The following DCAF1 variants were observed in gnomAD, a reference collection of about 807,000 sequenced individuals.
DCAF1 encodes DDB1- and CUL4-associated factor 1.
In DCAF1, 15 loss-of-function variants were observed where a neutral mutation model predicts 128.0. The observed-to-expected ratio is 0.12, with a 90% CI of 0.08 to 0.18. The LOEUF is 0.18. DCAF1 is among the 10% of genes least tolerant of loss of function. The pLI is 1.00. For synonymous variants in DCAF1, 610 were observed against 603.0 expected (o/e 1.01, Z -0.17); for missense variants, 988 against 1,649.5 (o/e 0.60, Z 6.95).
At chr3:51,490,267 A>C (rs1438646981) in intron 2 of DCAF1, among the ~76,000 whole-genome samples, 1 of 152,052 alleles carries the variant, frequency 6.6e-6, no homozygotes, top group East Asian at 1.9e-4. Flanking sequence ...AAGGCAAAAA[A>C]TTAGCCAGGC....
In DCAF1 at chr3:51,405,762, C is replaced by G. The variant is rs782640895; in HGVS notation, c.4213-2367G>C. On this transcript the variant is annotated intron_variant, in intron 23 of 24. Transcript: ENST00000684031. Reference sequence around the variant, plus strand: ...TCTAGGAAGCAATTTTAGGTGCATTCTCTGCTGGTCAAGTAACTGGTGGCA... The same window carrying G: ...TCTAGGAAGCAATTTTAGGTGCATTGTCTGCTGGTCAAGTAACTGGTGGCA... 4.6e-5 allele frequency among the ~76,000 whole-genome samples: 7 copies of G among 152,232 alleles called. No homozygotes were observed. In the South Asian group the frequency reaches 1.2e-3, roughly 27 times the overall value.
intron 9 of DCAF1, chr3:51,440,242 G>T: frequency 2.2e-6 from 1 of 450,194 alleles, no homozygotes; most frequent in Non-Finnish European, 4.3e-6. Flanking sequence ...TGATGCATCT[G>T]GCTATAGAAA....
intron 23 of DCAF1, among the ~76,000 whole-genome samples, chr3:51,405,879 CA>C (rs2090066074): frequency 6.6e-6 from 1 of 152,022 alleles, no homozygotes. Flanking sequence ...AATGAAAAAG[CA>C]AAGCTTAGCT....
chr3:51,503,685 A>G (rs574718626), upstream of DCAF1, among the ~76,000 whole-genome samples: 68 of 152,170 alleles, frequency 4.5e-4, no homozygotes, highest in Non-Finnish European at 7.5e-4. Context: ...GGAAATCCCA[A>G]TCATTCACTG....
chr3:51,469,756 C>T (rs1553647838), intron 4 of DCAF1, among the ~76,000 whole-genome samples: 1 of 152,124 alleles, frequency 6.6e-6, no homozygotes. Flanking sequence ...CTCAGTGGCT[C>T]ACGCCTGTAA....
At chr3:51,430,284 T>C (rs1444513638) in intron 10 of DCAF1, 72 bp from the exon 11 acceptor site, 5 of 705,066 alleles carry the variant, frequency 7.1e-6, no homozygotes, top group Non-Finnish European at 1.3e-5. Context: ...GATGGAAAAT[T>C]TGCCAGTATA....
chr3:51,465,739 C>G (rs1553646219), intron 5 of DCAF1, among the ~76,000 whole-genome samples: 1 of 152,090 alleles, frequency 6.6e-6, no homozygotes, highest in Non-Finnish European at 1.5e-5. Flanking sequence ...AAGCGAAATT[C>G]TGTCTCAAAA....
chr3:51,416,759 T>C, intron 18 of DCAF1, 28 bp downstream of exon 18: 1 of 1,593,342 alleles, frequency 6.3e-7, no homozygotes, highest in Non-Finnish European at 8.6e-7. Context: ...TATGATCAGC[T>C]TGAAAACAGT....
At chr3:51,422,733 T>G (rs1699517130) in intron 13 of DCAF1, among the ~76,000 whole-genome samples, 1 of 152,026 alleles carries the variant, frequency 6.6e-6, no homozygotes, top group Non-Finnish European at 1.5e-5. Context: ...ACTCTCAAAG[T>G]TTTGGTGAGA....
intron 2 of DCAF1, among the ~76,000 whole-genome samples, chr3:51,492,848 G>A (rs1707811845): frequency 1.3e-5 from 2 of 151,444 alleles, no homozygotes; most frequent in African/African-American, 4.9e-5. Context: ...CAAAAAATTA[G>A]CTGGGCGTGG....
chr3:51,499,029 T>C (rs533196996), intron 1 of DCAF1, among the ~76,000 whole-genome samples: 2 of 152,130 alleles, frequency 1.3e-5, no homozygotes, highest in Non-Finnish European at 2.9e-5. Context: ...CAACATGACA[T>C]GGCCAAGGAC....
chr3:51,491,418 G>C (rs191950996), intron 2 of DCAF1, among the ~76,000 whole-genome samples: 62 of 151,404 alleles, frequency 4.1e-4, no homozygotes, highest in Middle Eastern at 3.5e-3. Context: ...ATAGTAAATG[G>C]AACAGCATGG....
intron 23 of DCAF1, among the ~76,000 whole-genome samples, chr3:51,411,180 A>G (rs868993536): frequency 1.8e-4 from 28 of 151,836 alleles, no homozygotes; most frequent in Middle Eastern, 3.4e-3. Flanking sequence ...AAAAAAAAAA[A>G]AGAGAGACAA....
chr3:51,446,999 T>TAATAATAATAAA lies in DCAF1; in HGVS notation c.376-3097_376-3096insTTTATTATTATT, dbSNP rs370193180. 6.2e-3 allele frequency among the ~76,000 whole-genome samples: 921 copies of TAATAATAATAAA among 148,128 alleles called. 6 individuals carry two copies. Among genetic ancestry groups the TAATAATAATAAA allele is most frequent in the South Asian group, 9.7e-3 (46 of 4,744 alleles). ...ATAATAATAATAATAATAATAATAA[T>TAATAATAATAAA]AAAATGTTTTAAATATTTTTTAAAA... On this transcript the variant is annotated intron_variant, in intron 6 of 24. Transcript: ENST00000684031.
In DCAF1 at chr3:51,483,793, A is replaced by C; in HGVS notation, c.36T>G (p.Ala12=). The C allele has an allele frequency of 6.2e-7, 1 of 1,613,912 alleles. No individual in the cohort carries two copies. The highest frequency in any genetic ancestry group is 8.5e-7 in the Non-Finnish European group (1 of 1,179,852). Residue 12 remains alanine, a synonymous_variant, in exon 3 of 25, where the codon GCT becomes GCG. Transcript: ENST00000684031. ...TTVVVHVDSK[A]ELTTLLEQWE... Reference sequence around the variant, plus strand: ...ACTGCTCCAGCAGGGTAGTGAGCTCAGCTTTGGAGTCCACATGTACCACTA... The same window carrying C: ...ACTGCTCCAGCAGGGTAGTGAGCTCCGCTTTGGAGTCCACATGTACCACTA...
intron 3 of DCAF1, among the ~76,000 whole-genome samples, chr3:51,482,913 G>C (rs1362352349): frequency 6.8e-6 from 1 of 147,052 alleles, no homozygotes; most frequent in Non-Finnish European, 1.5e-5. Flanking sequence ...AAGGCAGGTG[G>C]ATCACCTGAG....
At chr3:51,485,050 G>A (rs572346551) in intron 2 of DCAF1, among the ~76,000 whole-genome samples, 9 of 152,202 alleles carry the variant, frequency 5.9e-5, no homozygotes, top group Non-Finnish European at 1.3e-4. Flanking sequence ...CAAGTAGCTA[G>A]GATTACAGGC....
At chr3:51,466,957 C>A in intron 4 of DCAF1, 81 bp from the exon 5 acceptor site, 1 of 1,234,984 alleles carries the variant, frequency 8.1e-7, no homozygotes, top group Admixed American at 1.9e-5. Context: ...TGGAAAGGCA[C>A]CTGGGTTGTT....
Position 51,484,070 on chromosome 3 carries a change from G to C in DCAF1, c.-8-234C>G, listed in dbSNP as rs1045924634. On this transcript the variant is annotated intron_variant, in intron 2 of 24. Coordinates refer to ENST00000684031, the MANE Select transcript of DCAF1 (RefSeq NM_001387579.1). ...AGTACTTTCGCCTTTCTCAGCCTCA[G>C]CTTCAACTGTCAAATGAGGCAAGAA... Among the ~76,000 whole-genome samples, 39 of 152,090 alleles carry C rather than the reference G, an allele frequency of 2.6e-4. 1 individual carries two copies. The highest frequency in any genetic ancestry group is 2.6e-3 in the Admixed American group (39 of 15,232).
Sources: gnomAD v4.1 joint callset for allele counts (sites outside exome capture counted in the v4.1 genomes callset) on GRCh38, gnomAD v4.1.1 for gene constraint, MANE v1.5 for transcripts, NCBI Gene and HGNC (gene_info 2026-07-23, HGNC 2026-07-21) for gene names.